The following LZTS1 variants were observed in gnomAD, a reference collection of about 807,000 sequenced individuals.
LZTS1 encodes the protein leucine zipper putative tumor suppressor 1.
A neutral mutation model predicts 45.8 loss-of-function variants in LZTS1; 31 were observed. That is an observed-to-expected ratio of 0.68 (90% CI 0.51 to 0.91). The LOEUF is 0.91. Ranked by LOEUF, LZTS1 falls within the 40% of genes least tolerant of loss-of-function variation. LZTS1 has a pLI of 0.00. For synonymous variants in LZTS1, 359 were observed against 357.3 expected, an observed-to-expected ratio of 1.00 and a Z score of -0.05; for missense variants, 821 against 788.9, an observed-to-expected ratio of 1.04 and a Z score of -0.49.
intron 1 of LZTS1, among the ~76,000 whole-genome samples, chr8:20,283,736 G>C (rs1289573680): frequency 6.6e-6 from 1 of 152,178 alleles, no homozygotes; most frequent in Non-Finnish European, 1.5e-5. Context: ...GAGACACACT[G>C]TTGAGATGTT....
intron 2 of LZTS1, 82 bp downstream of exon 2, chr8:20,254,755 C>G: frequency 9.8e-6 from 12 of 1,228,430 alleles, no homozygotes; most frequent in African/African-American, 1.5e-5. Context: ...ACCACTCCCC[C>G]TGAACCCCCA....
chr8:20,273,019 G>A (rs1045373036), intron 1 of LZTS1, among the ~76,000 whole-genome samples: 3 of 152,054 alleles, frequency 2.0e-5, no homozygotes, highest in Admixed American at 6.5e-5. Context: ...ATTGCTGCTC[G>A]ATCATTTCTC....
intron 1 of LZTS1, among the ~76,000 whole-genome samples, chr8:20,280,418 C>T (rs1800664706): frequency 6.6e-6 from 1 of 152,152 alleles, no homozygotes; most frequent in African/African-American, 2.4e-5. Context: ...GTGAAAGGCC[C>T]CCTTACAACT....
chr8:20,300,522 C>A (rs1007899723), intron 1 of LZTS1, among the ~76,000 whole-genome samples: 2 of 151,950 alleles, frequency 1.3e-5, no homozygotes, highest in Admixed American at 6.5e-5. Context: ...TTAGTAGAGA[C>A]GGTGTTTCAC....
chr8:20,299,852 A>G (rs994631190), intron 1 of LZTS1, among the ~76,000 whole-genome samples: 2 of 152,224 alleles, frequency 1.3e-5, no homozygotes, highest in African/African-American at 2.4e-5. Context: ...TCTATTCAAC[A>G]GCAAACTCAA....
At chr8:20,295,779 A>T (rs945398055) in intron 1 of LZTS1, among the ~76,000 whole-genome samples, 1 of 152,080 alleles carries the variant, frequency 6.6e-6, no homozygotes, top group Non-Finnish European at 1.5e-5. Flanking sequence ...CCTCCAGACC[A>T]GGGGTGGGAA....
chr8:20,282,410 T>C (rs916342795), intron 1 of LZTS1, among the ~76,000 whole-genome samples: 1 of 152,226 alleles, frequency 6.6e-6, no homozygotes, highest in African/African-American at 2.4e-5. Flanking sequence ...CTCACAGATA[T>C]GACAGATATG....
At chr8:20,292,479 G>A (rs772910967) in intron 1 of LZTS1, among the ~76,000 whole-genome samples, 5 of 152,234 alleles carry the variant, frequency 3.3e-5, no homozygotes, top group African/African-American at 1.2e-4. Context: ...TAGCAACTGC[G>A]ACCAGCACAG....
chr8:20,254,592 C>T (rs1210620546), intron 2 of LZTS1, among the ~76,000 whole-genome samples: 1 of 152,228 alleles, frequency 6.6e-6, no homozygotes, highest in Non-Finnish European at 1.5e-5. Context: ...ATCCCCTGTG[C>T]TCTTTGCTTA....
At chr8:20,257,730 C>T (rs1322642936) in intron 1 of LZTS1, among the ~76,000 whole-genome samples, 1 of 147,334 alleles carries the variant, frequency 6.8e-6, no homozygotes, top group East Asian at 2.0e-4. Flanking sequence ...AGTGCAGTGG[C>T]ATGATCTTGG....
intron 1 of LZTS1, among the ~76,000 whole-genome samples, chr8:20,287,149 A>C (rs1359654605): frequency 7.1e-6 from 1 of 139,914 alleles, no homozygotes; most frequent in Admixed American, 6.8e-5. Flanking sequence ...ACCAATCAGG[A>C]AACATGTCTC....
Position 20,255,290 on chromosome 8 carries a change from TCA to T in LZTS1, c.-111_-110del, listed in dbSNP as rs1380092465. On this transcript the variant is annotated 5_prime_UTR_variant, in exon 2 of 4. Transcript: ENST00000381569. ...GGGGACTGAGGTCATAGCAAAGCCC[TCA>T]CAGAGCCTGCGAGAGCCGTAGACCT... The T allele has an allele frequency of 6.9e-7, 1 of 1,455,950 alleles. No individual in the cohort carries two copies. The highest frequency in any genetic ancestry group is 2.4e-5 in the East Asian group (1 of 40,914). 90.2% of individuals were successfully genotyped at this position (1,455,950 alleles called of 1,614,324 possible).
chr8:20,294,765 T>C (rs1800954306), intron 1 of LZTS1, among the ~76,000 whole-genome samples: 1 of 151,844 alleles, frequency 6.6e-6, no homozygotes, highest in Admixed American at 6.6e-5. Flanking sequence ...ACCCTGAGTG[T>C]GTAGATTGTC....
intron 1 of LZTS1, among the ~76,000 whole-genome samples, chr8:20,264,962 G>A (rs914826026): frequency 7.2e-5 from 11 of 152,178 alleles, no homozygotes; most frequent in African/African-American, 2.4e-4. Flanking sequence ...GTACGTGTGT[G>A]TGTCAGTTTG....
At chr8:20,301,481 G>A (rs1801075938) in intron 1 of LZTS1, among the ~76,000 whole-genome samples, 1 of 152,132 alleles carries the variant, frequency 6.6e-6, no homozygotes, top group Non-Finnish European at 1.5e-5. Flanking sequence ...CTTACCCATA[G>A]GTCTGTCATC....
chr8:20,282,106 AGAG>A (rs1402544346), intron 1 of LZTS1, among the ~76,000 whole-genome samples: 1 of 152,166 alleles, frequency 6.6e-6, no homozygotes, highest in Non-Finnish European at 1.5e-5. Context: ...CTTTCCATGA[AGAG>A]GGCCTTTTCT....
chr8:20,271,135 C>G (rs1002934770), intron 1 of LZTS1, among the ~76,000 whole-genome samples: 2 of 152,148 alleles, frequency 1.3e-5, no homozygotes, highest in East Asian at 1.9e-4. Context: ...CAACGAGTCT[C>G]TACCTGTCCT....
chr8:20,263,432 C>A (rs1800286952), intron 1 of LZTS1, among the ~76,000 whole-genome samples: 1 of 152,016 alleles, frequency 6.6e-6, no homozygotes, highest in African/African-American at 2.4e-5. Flanking sequence ...GCTCTGACTT[C>A]TAAGGGTTTC....
Position 20,248,283 on chromosome 8 carries a change from G to A in LZTS1, c.*1439C>T. The A allele has an allele frequency of 6.6e-6, 1 of 152,516 alleles. No individual in the cohort carries two copies. Among genetic ancestry groups the A allele is most frequent in the Non-Finnish European group, 1.5e-5 (1 of 68,238 alleles). The allele number at this position is 152,516 out of a possible 1,614,324, so 9.4% of individuals were successfully genotyped here. ...TGCAGTGAGCTATGATCATGCCACT[G>A]CACTCCAGCCTGGGGGACAGAGCAA... On this transcript the variant is annotated 3_prime_UTR_variant, in exon 4 of 4. Transcript: ENST00000381569.
Sources: gnomAD v4.1 joint callset for allele counts (sites outside exome capture counted in the v4.1 genomes callset) on GRCh38, gnomAD v4.1.1 for gene constraint, MANE v1.5 for transcripts, NCBI Gene and HGNC (gene_info 2026-07-23, HGNC 2026-07-21) for gene names.